Variants in JUP observed in about 807,000 individuals in gnomAD.
The protein encoded by JUP is catenin (cadherin-associated protein), gamma 80kDa.
JUP carries 28 observed loss-of-function variants against 71.1 expected under a neutral mutation model. That is an observed-to-expected ratio of 0.39 (90% CI 0.29 to 0.54). The LOEUF is 0.54. JUP is among the 20% of genes least tolerant of loss of function. The pLI is 0.62. For synonymous variants in JUP, 401 were observed against 438.9 expected (o/e 0.91, Z 1.08); for missense variants, 869 against 1,030.1 (o/e 0.84, Z 2.14).
rs782523305 is a variant in JUP at position 41,768,949 on chromosome 17, C to T, written c.707+20G>A. ...AGTGAGAGGGGGTCCTGGGCTCATGCAGTGAGCAGGGTTGGGTACCTGAGC... is the reference window on the plus strand; with the variant it reads ...AGTGAGAGGGGGTCCTGGGCTCATGTAGTGAGCAGGGTTGGGTACCTGAGC... On this transcript the variant is annotated intron_variant, in intron 4 of 13. Transcript: ENST00000393931. 7.4e-5 allele frequency: 116 copies of T among 1,565,714 alleles called. No homozygotes were observed. Among genetic ancestry groups the T allele is most frequent in the Admixed American group, 2.3e-4 (13 of 57,178 alleles).
intron 4 of JUP, among the ~76,000 whole-genome samples, chr17:41,768,169 G>C (rs1287943188): frequency 6.6e-6 from 1 of 151,968 alleles, no homozygotes; most frequent in Non-Finnish European, 1.5e-5. Context: ...GAGGCCAAGG[G>C]GGGCAGATCA....
Position 41,758,462 on chromosome 17 carries a change from G to A in JUP, c.1710C>T (p.Leu570=), listed in dbSNP as rs375801194. ...CCATGCGGTTCATGGGGTCCCGGGC[G>A]AGGATGTGCAGTGCTCCGGTGCAGC... ...VEGCTGALHI[L]ARDPMNRMEI... The change falls in exon 10 of 14, where the codon CTC becomes CTT. Residue 570 remains leucine, a synonymous_variant. Transcript: ENST00000393931. 109 of 1,614,010 alleles carry A rather than the reference G, an allele frequency of 6.8e-5. No individual in the cohort carries two copies. Among genetic ancestry groups the A allele is most frequent in the Non-Finnish European group, 7.7e-5 (91 of 1,180,026 alleles).
At chr17:41,770,142 A>C (rs1266471734) in intron 2 of JUP, among the ~76,000 whole-genome samples, 1 of 152,086 alleles carries the variant, frequency 6.6e-6, no homozygotes, top group African/African-American at 2.4e-5. Context: ...CTGAAATCTC[A>C]GGAGTCTAAT....
At chr17:41,775,568 G>T (rs1323044279) in intron 1 of JUP, among the ~76,000 whole-genome samples, 9 of 152,246 alleles carry the variant, frequency 5.9e-5, no homozygotes, top group African/African-American at 2.2e-4. Context: ...CAGAGCCAGG[G>T]TGGAAGCGAG....
intron 5 of JUP, among the ~76,000 whole-genome samples, chr17:41,766,756 G>A (rs1217206166): frequency 6.6e-6 from 1 of 151,746 alleles, no homozygotes; most frequent in Non-Finnish European, 1.5e-5. Flanking sequence ...TTGGGAGGCT[G>A]AAGCAGGAGA....
At chr17:41,763,469 CCT>C (rs1190436304) in intron 7 of JUP, 148 bp from the exon 8 acceptor site, 1 of 630,412 alleles carries the variant, frequency 1.6e-6, no homozygotes, top group East Asian at 2.7e-5. Context: ...CCCGCCACAC[CCT>C]GTGAGAGGGC....
At position 41,756,230 on chromosome 17, in the gene JUP, G is replaced by C; in HGVS notation, c.2047-16C>G. 6.2e-7 allele frequency: 1 copy of C among 1,613,298 alleles called. No homozygotes were observed. The highest frequency in any genetic ancestry group is 8.5e-7 in the Non-Finnish European group (1 of 1,179,456). On this transcript the variant is annotated splice_polypyrimidine_tract_variant and intron_variant, in intron 12 of 13. Transcript: ENST00000393931. Reference sequence around the variant, plus strand: ...TGCTCTGGGCCTGAAAAAGGAGAGAGAAACATGGAGGGGAGGTTTGAAAAT... The same window carrying C: ...TGCTCTGGGCCTGAAAAAGGAGAGACAAACATGGAGGGGAGGTTTGAAAAT...
In JUP at chr17:41,763,063, G is replaced by C; in HGVS notation, c.1417C>G (p.Gln473Glu). The C allele has an allele frequency of 3.7e-6, 6 of 1,614,074 alleles. No individual in the cohort carries two copies. The highest frequency in any genetic ancestry group is 5.1e-6 in the Non-Finnish European group (6 of 1,179,942). Residue 473 changes from glutamine to glutamate, a missense_variant, in exon 8 of 14, where the codon CAG becomes GAG. Coordinates refer to ENST00000393931, the MANE Select transcript of JUP (RefSeq NM_002230.4). The stretch of plus-strand genomic sequence containing the variant: ...CCATAGTTGAGACGCACAGAGTTCT[G>C]GGCCATCTCGGCCTCAGGGTGGCGG... ...TSRHPEAEMA[Q>E]NSVRLNYGIP...
chr17:41,771,149 C>A (rs1270529921), intron 2 of JUP, among the ~76,000 whole-genome samples: 2 of 152,214 alleles, frequency 1.3e-5, no homozygotes, highest in African/African-American at 4.8e-5. Context: ...CCTGCCTCAG[C>A]CTCCCAAGTA....
rs530983000 is a variant in JUP at position 41,773,593 on chromosome 17, C to G, written c.-8-1731G>C. On this transcript the variant is annotated intron_variant, in intron 1 of 13. Transcript: ENST00000393931. ...TGTAGCTATTTCAGAAGGAGCCCCC[C>G]CAACCAGCCCCCTTTCCACACGCAC... Among the ~76,000 whole-genome samples, 123 of 152,314 alleles carry G rather than the reference C, an allele frequency of 8.1e-4. No homozygotes were observed. The Middle Eastern group carries it at 0.017, about 21-fold the overall frequency.
chr17:41,757,582 T>C lies in JUP; in HGVS notation c.1925-46A>G, dbSNP rs572768376. On this transcript the variant is annotated intron_variant, in intron 11 of 13. Transcript: ENST00000393931. ...AAGCCAGGTTAAACGTCGGCCAGCC[T>C]CCATCGTGGCTGGGGGAGTGGGACC... 8 of 1,614,096 alleles carry C rather than the reference T, an allele frequency of 5.0e-6. No homozygotes were observed. The South Asian group carries it at 8.8e-5, about 18-fold the overall frequency.
chr17:41,757,544 G>C lies in JUP; in HGVS notation c.1925-8C>G. ...CGGCAGCAGCGTAGGTGGCTGAGCA[G>C]AGAGGAAAGGAAAAGCCAGGTTAAA... is the stretch of plus-strand genomic sequence containing the variant. On this transcript the variant is annotated splice_polypyrimidine_tract_variant and splice_region_variant and intron_variant, in intron 11 of 13. Coordinates refer to ENST00000393931, the MANE Select transcript of JUP (RefSeq NM_002230.4). 6.2e-7 allele frequency: 1 copy of C among 1,614,232 alleles called. No individual in the cohort carries two copies. The highest frequency in any genetic ancestry group is 8.5e-7 in the Non-Finnish European group (1 of 1,180,044).
chr17:41,759,072 C>CTTTT (rs11404112), intron 8 of JUP, among the ~76,000 whole-genome samples: 12 of 131,096 alleles, frequency 9.2e-5, no homozygotes, highest in African/African-American at 2.9e-4. Context: ...ATGGCTAATT[C>CTTTT]TTTTTTTTTT....
Position 41,758,442 on chromosome 17 carries a change from C to T in JUP, c.1730G>A (p.Arg577His), listed in dbSNP as rs373434456. ...LHILARDPMN[R>H]MEIFRLNTIP... ...GGTGTTGAGCCGGAAGATCTCCATG[C>T]GGTTCATGGGGTCCCGGGCGAGGAT... Residue 577 changes from arginine (R) to histidine (H), a missense_variant, in exon 10 of 14, where the codon CGC (arginine) becomes CAC (histidine). Arg to His is a conservative substitution (Grantham distance 29, BLOSUM62 0). Coordinates refer to ENST00000393931, the MANE Select transcript of JUP (RefSeq NM_002230.4). 9.9e-6 allele frequency: 16 copies of T among 1,613,826 alleles called. No homozygotes were observed. The highest frequency in any genetic ancestry group is 2.2e-5 in the East Asian group (1 of 44,894).
At chr17:41,785,501 T>C (rs2047412713) in intron 1 of JUP, among the ~76,000 whole-genome samples, 1 of 151,288 alleles carries the variant, frequency 6.6e-6, no homozygotes, top group Non-Finnish European at 1.5e-5. Context: ...GCGAACAGGA[T>C]GAATGTGGGG....
chr17:41,776,053 C>T, intron 1 of JUP: 1 of 920,562 alleles, frequency 1.1e-6, no homozygotes. Flanking sequence ...GGTTGCAGGG[C>T]ACCAAGTGCC....
chr17:41,764,389 G>A (rs1390141745), intron 7 of JUP, among the ~76,000 whole-genome samples: 2 of 152,092 alleles, frequency 1.3e-5, no homozygotes, highest in Admixed American at 1.3e-4. Context: ...ACAAAAATTA[G>A]CCAGACATGA....
chr17:41,781,310 G>A (rs1465850689), intron 1 of JUP, among the ~76,000 whole-genome samples: 3 of 151,642 alleles, frequency 2.0e-5, no homozygotes, highest in African/African-American at 4.8e-5. Context: ...AGCCAAGATT[G>A]TGCCACTACA....
At position 41,767,590 on chromosome 17, in the gene JUP, T is replaced by C; in HGVS notation, c.708-10A>G. On this transcript the variant is annotated splice_polypyrimidine_tract_variant and intron_variant, in intron 4 of 13. Transcript: ENST00000393931. ...CGACTCCACAGGGGAGCTGGGGGGG[T>C]GGGCAGGGGTTAGTACGCTGAGGTC... 1 of 974,508 alleles carries C rather than the reference T, an allele frequency of 1.0e-6. No individual in the cohort carries two copies. Among genetic ancestry groups the C allele is most frequent in the Non-Finnish European group, 1.6e-6 (1 of 630,776 alleles). The allele number at this position is 974,508 out of a possible 1,614,324, so 60.4% of individuals were successfully genotyped here. A position where few individuals can be genotyped will look rare whatever the true frequency, so the allele number is the denominator to read the frequency against.
Sources: gnomAD v4.1 joint callset for allele counts (sites outside exome capture counted in the v4.1 genomes callset) on GRCh38, gnomAD v4.1.1 for gene constraint, MANE v1.5 for transcripts, NCBI Gene and HGNC (gene_info 2026-07-23, HGNC 2026-07-21) for gene names.